ABCB5: variants seen among roughly 807,000 people sequenced by gnomAD.
The protein encoded by ABCB5 is ATP binding cassette subfamily B member 5, also known as ATP-binding cassette sub-family B member 5.
ABCB5 carries 155 observed loss-of-function variants against 144.2 expected under a neutral mutation model. The ratio of observed to expected loss-of-function variants is 1.08; its 90% CI spans 0.94 to 1.23. The LOEUF is 1.23. ABCB5 is among the 50% of genes most tolerant of loss of function. The pLI is 0.00. For missense variants in ABCB5, 1,830 were observed against 1,520.8 expected (o/e 1.20, Z -3.38); for synonymous variants, 610 against 528.6 (o/e 1.15, Z -2.11).
At chr7:20,659,885 T>C (rs1784944875) in intron 14 of ABCB5, 1 of 912,940 alleles carries the variant, frequency 1.1e-6, no homozygotes, top group African/African-American at 1.8e-5. Flanking sequence ...GGTTTTGCCA[T>C]GTTGACCAGG....
chr7:20,665,331 C>T (rs1040535195), intron 14 of ABCB5, among the ~76,000 whole-genome samples: 6 of 152,128 alleles, frequency 3.9e-5, no homozygotes, highest in African/African-American at 1.2e-4. Context: ...AAAGCATTCT[C>T]GGACCAGTGA....
intron 2 of ABCB5, among the ~76,000 whole-genome samples, chr7:20,624,728 A>G (rs185359571): frequency 6.6e-6 from 1 of 152,288 alleles, no homozygotes; most frequent in Admixed American, 6.5e-5. Flanking sequence ...GATTTGCGCT[A>G]ATGAAAGTAC....
At chr7:20,659,569 T>A (rs1784931599) in intron 14 of ABCB5, 2 of 996,476 alleles carry the variant, frequency 2.0e-6, no homozygotes, top group South Asian at 4.5e-5. Context: ...CCTCCCATAA[T>A]AACAATGCCA....
At chr7:20,728,483 G>A (rs1583455636) in intron 23 of ABCB5, 28 bp downstream of exon 23, 1 of 1,610,396 alleles carries the variant, frequency 6.2e-7, no homozygotes, top group Non-Finnish European at 8.5e-7. Context: ...TCCGGACCTG[G>A]TAGCTCACAC....
intron 1 of ABCB5, among the ~76,000 whole-genome samples, chr7:20,617,069 T>C (rs1783702117): frequency 6.6e-6 from 1 of 152,190 alleles, no homozygotes; most frequent in Non-Finnish European, 1.5e-5. Flanking sequence ...ATTACCCTGT[T>C]TTAATTATAT....
rs143204947 is a variant in ABCB5, at chr7:20,680,994, CTT to C, written c.1708-509_1708-508del. Among the ~76,000 whole-genome samples the C allele has an allele frequency of 8.3e-3, 132 of 15,938 alleles. 1 individual carries two copies. The highest frequency in any genetic ancestry group is 0.039 in the African/African-American group (106 of 2,732). The allele number at this position is 15,938 out of a possible 152,430, so 10.5% of individuals were successfully genotyped here. On this transcript the variant is annotated intron_variant, in intron 14 of 27. Coordinates refer to ENST00000404938, the MANE Select transcript of ABCB5 (RefSeq NM_001163941.2). The stretch of plus-strand genomic sequence containing the variant: ...TTTTTCTTTCTTTCTTTCTTTCTTT[CTT>C]TCTTTCTTTCTTTCTTTCTTTCTTT...
chr7:20,675,500 A>C (rs756443965), intron 14 of ABCB5, among the ~76,000 whole-genome samples: 1 of 152,034 alleles, frequency 6.6e-6, no homozygotes, highest in Non-Finnish European at 1.5e-5. Flanking sequence ...AACTCAAAAT[A>C]GGTTAAAGAC....
intron 20 of ABCB5, among the ~76,000 whole-genome samples, chr7:20,718,119 C>G (rs1242533507): frequency 6.7e-6 from 1 of 150,372 alleles, no homozygotes; most frequent in Admixed American, 6.6e-5. Context: ...CCGTGTTAGC[C>G]AGGATGGTCT....
Position 20,670,908 on chromosome 7 carries a change from T to C in ABCB5, c.1708-10597T>C, listed in dbSNP as rs145242686. On this transcript the variant is annotated intron_variant, in intron 14 of 27. Transcript: ENST00000404938. ...CGGGCAACAAGAGCGAAATTCCACC[T>C]GAAATAAAAAGAAAAAAAGAAAAGC... 2.1e-3 allele frequency among the ~76,000 whole-genome samples: 322 copies of C among 151,986 alleles called. 7 individuals are homozygous for C. In the South Asian group the frequency reaches 0.045, roughly 21 times the overall value.
chr7:20,746,914 T>C (rs1386893165), intron 26 of ABCB5, among the ~76,000 whole-genome samples: 1 of 152,154 alleles, frequency 6.6e-6, no homozygotes, highest in Non-Finnish European at 1.5e-5. Context: ...TAACAACCAA[T>C]ATATCAAACA....
chr7:20,623,467 C>A, intron 2 of ABCB5, 129 bp downstream of exon 2: 1 of 736,900 alleles, frequency 1.4e-6, no homozygotes, highest in Non-Finnish European at 2.3e-6. Context: ...TTTTGCTGAA[C>A]TTGAACATAA....
Position 20,623,265 on chromosome 7 carries a change from A to G in ABCB5, c.-21A>G. The stretch of plus-strand genomic sequence containing the variant: ...TACATTTGTTAAAATTGTATTTCAG[A>G]AGAAGTAAATTGTAAATAAGATGGA... On this transcript the variant is annotated splice_region_variant and 5_prime_UTR_variant, in exon 2 of 28. Coordinates refer to ENST00000404938, the MANE Select transcript of ABCB5 (RefSeq NM_001163941.2). 6.7e-7 allele frequency: 1 copy of G among 1,484,182 alleles called. No homozygotes were observed. The allele number at this position is 1,484,182 out of a possible 1,614,324, so 91.9% of individuals were successfully genotyped here.
chr7:20,673,379 C>G (rs373224321), intron 14 of ABCB5, among the ~76,000 whole-genome samples: 38 of 152,146 alleles, frequency 2.5e-4, no homozygotes, highest in African/African-American at 7.9e-4. Context: ...TCAACTATTA[C>G]TGTAACTTTT....
chr7:20,699,746 T>A, intron 17 of ABCB5, 79 bp from the exon 18 acceptor site: 1 of 907,308 alleles, frequency 1.1e-6, no homozygotes, highest in Non-Finnish European at 1.7e-6. Context: ...TTAAAACTCC[T>A]GATATACAGA....
intron 13 of ABCB5, among the ~76,000 whole-genome samples, chr7:20,654,329 T>C (rs970543266): frequency 6.6e-6 from 1 of 152,116 alleles, no homozygotes; most frequent in Non-Finnish European, 1.5e-5. Flanking sequence ...AACATAATCC[T>C]AAAAGTTTAT....
chr7:20,672,222 G>A (rs75188110), intron 14 of ABCB5, among the ~76,000 whole-genome samples: 10,492 of 152,016 alleles, frequency 0.069, 1,147 homozygotes, highest in African/African-American at 0.23. Context: ...TTTATCAGAT[G>A]TAGGATTAGA....
intron 14 of ABCB5, among the ~76,000 whole-genome samples, chr7:20,681,064 CTTTCTT>C (rs1785800088): frequency 5.9e-4 from 6 of 10,210 alleles, no homozygotes; most frequent in South Asian, 8.6e-3. Flanking sequence ...CTCTCTCTTT[CTTTCTT>C]TCTTTCTTTC....
chr7:20,660,687 G>A (rs144900294), intron 14 of ABCB5, among the ~76,000 whole-genome samples: 3 of 152,194 alleles, frequency 2.0e-5, no homozygotes, highest in African/African-American at 4.8e-5. Flanking sequence ...TGTCTAAGAG[G>A]CCCCAGACTC....
intron 2 of ABCB5, 64 bp downstream of exon 2, chr7:20,623,402 C>T (rs1306672115): frequency 1.6e-6 from 2 of 1,264,152 alleles, no homozygotes; most frequent in Admixed American, 4.6e-5. Flanking sequence ...ATCCTTTCCA[C>T]ACCTATAGCA....
Sources: allele counts gnomAD v4.1 joint callset (sites outside exome capture counted in the v4.1 genomes callset), GRCh38; gene constraint gnomAD v4.1.1; transcripts MANE v1.5; gene names NCBI Gene and HGNC (gene_info 2026-07-23, HGNC 2026-07-21).